The following EPHA6 variants were observed in gnomAD, a reference collection of about 807,000 sequenced individuals.
The protein encoded by EPHA6 is EPH receptor A6.
In EPHA6, 50 loss-of-function variants were observed where a neutral mutation model predicts 112.0. The ratio of observed to expected loss-of-function variants is 0.45; its 90% CI spans 0.36 to 0.56. EPHA6 has a LOEUF of 0.56. Among genes scored for constraint, EPHA6 ranks in the 20% least tolerant of loss-of-function variants. The pLI is 0.00. For synonymous variants in EPHA6, 529 were observed against 490.7 expected, an observed-to-expected ratio of 1.08 and a Z score of -1.03; for missense variants, 1,280 against 1,417.4, an observed-to-expected ratio of 0.90 and a Z score of 1.56.
At chr3:97,315,242 A>G (rs532012118) in intron 5 of EPHA6, among the ~76,000 whole-genome samples, 3 of 151,790 alleles carry the variant, frequency 2.0e-5, no homozygotes, top group African/African-American at 7.2e-5. Context: ...CACACTATCC[A>G]CTTTCCACAT....
chr3:96,936,221 T>G (rs1338246816), intron 2 of EPHA6, among the ~76,000 whole-genome samples: 1 of 152,202 alleles, frequency 6.6e-6, no homozygotes, highest in Admixed American at 6.6e-5. Context: ...GGCCCCAGAG[T>G]TAAGTACATT....
At chr3:96,901,006 TG>T (rs2038576087) in intron 2 of EPHA6, among the ~76,000 whole-genome samples, 2 of 152,206 alleles carry the variant, frequency 1.3e-5, no homozygotes, top group Non-Finnish European at 2.9e-5. Flanking sequence ...CTTGATTTCA[TG>T]GCTAGATAGG....
chr3:97,161,496 T>G (rs1375236072), intron 3 of EPHA6, among the ~76,000 whole-genome samples: 1 of 152,174 alleles, frequency 6.6e-6, no homozygotes, highest in Non-Finnish European at 1.5e-5. Context: ...TCTTCTCTTA[T>G]TCTTGGCTCC....
rs2035995146 is a variant in EPHA6 at position 97,755,083 on chromosome 3, C to T, written c.*6382C>T. 6.6e-6 allele frequency among the ~76,000 whole-genome samples: 1 copy of T among 152,176 alleles called. No homozygotes were observed. Among genetic ancestry groups the T allele is most frequent in the Non-Finnish European group, 1.5e-5 (1 of 68,024 alleles). Reference sequence around the variant, plus strand: ...GATTAATCAAAGTAACAAATCTCTACATCATTAAGAGAACTTTTGATTTGT... The same window carrying T: ...GATTAATCAAAGTAACAAATCTCTATATCATTAAGAGAACTTTTGATTTGT... On this transcript the variant is annotated 3_prime_UTR_variant, in exon 18 of 18. Transcript: ENST00000389672.
At chr3:97,328,523 T>C (rs1451466006) in intron 5 of EPHA6, among the ~76,000 whole-genome samples, 1 of 152,096 alleles carries the variant, frequency 6.6e-6, no homozygotes, top group African/African-American at 2.4e-5. Flanking sequence ...CATATTCTTT[T>C]CACATTCTCT....
intron 2 of EPHA6, among the ~76,000 whole-genome samples, chr3:96,961,631 C>A (rs1227395438): frequency 6.9e-6 from 1 of 144,238 alleles, no homozygotes; most frequent in Non-Finnish European, 1.5e-5. Context: ...TAAACTAGCA[C>A]AGCCCTTCTA....
chr3:97,005,563 C>T (rs1316841081), intron 3 of EPHA6, among the ~76,000 whole-genome samples: 1 of 152,138 alleles, frequency 6.6e-6, no homozygotes, highest in Non-Finnish European at 1.5e-5. Context: ...CGTCTACAAA[C>T]AGAGACAGCT....
At chr3:97,213,588 A>G (rs2077940242) in intron 3 of EPHA6, among the ~76,000 whole-genome samples, 1 of 152,162 alleles carries the variant, frequency 6.6e-6, no homozygotes, top group Non-Finnish European at 1.5e-5. Context: ...CCAAGTTTCC[A>G]GTTCATTCAG....
chr3:97,735,448 T>G (rs191461192), intron 15 of EPHA6, among the ~76,000 whole-genome samples: 1 of 152,062 alleles, frequency 6.6e-6, no homozygotes, highest in East Asian at 1.9e-4. Context: ...AAAGAAGGGA[T>G]GATGGTTAGA....
At chr3:97,154,017 T>C (rs1337831627) in intron 3 of EPHA6, among the ~76,000 whole-genome samples, 1 of 151,742 alleles carries the variant, frequency 6.6e-6, no homozygotes, top group African/African-American at 2.4e-5. Context: ...AATACAAAAT[T>C]AGCCCAGTGT....
At chr3:97,153,700 G>A (rs2076222261) in intron 3 of EPHA6, among the ~76,000 whole-genome samples, 1 of 151,906 alleles carries the variant, frequency 6.6e-6, no homozygotes, top group African/African-American at 2.4e-5. Context: ...ACACCTAAAT[G>A]TAATTGATTG....
At chr3:97,241,414 G>A (rs2078842312) in intron 4 of EPHA6, among the ~76,000 whole-genome samples, 1 of 151,676 alleles carries the variant, frequency 6.6e-6, no homozygotes, top group Non-Finnish European at 1.5e-5. Flanking sequence ...ATACCTGGGA[G>A]TTTTCAATAC....
intron 10 of EPHA6, among the ~76,000 whole-genome samples, chr3:97,489,499 C>T (rs1429980705): frequency 6.6e-6 from 1 of 152,044 alleles, no homozygotes; most frequent in Non-Finnish European, 1.5e-5. Flanking sequence ...TCTTGGCTAA[C>T]ACGGTGAAAC....
intron 3 of EPHA6, among the ~76,000 whole-genome samples, chr3:97,177,123 C>A (rs1046879040): frequency 6.6e-6 from 1 of 151,776 alleles, no homozygotes; most frequent in Non-Finnish European, 1.5e-5. Context: ...TTATTAATTT[C>A]TTCATTGACC....
intron 5 of EPHA6, among the ~76,000 whole-genome samples, chr3:97,391,679 G>C (rs575178197): frequency 6.6e-6 from 1 of 151,972 alleles, no homozygotes; most frequent in East Asian, 1.9e-4. Flanking sequence ...AAGGAATAGA[G>C]AGTAAATGTT....
intron 12 of EPHA6, among the ~76,000 whole-genome samples, chr3:97,600,245 G>C (rs1236216043): frequency 2.7e-5 from 4 of 149,046 alleles, no homozygotes; most frequent in Non-Finnish European, 4.5e-5. Flanking sequence ...TTTCCTAATT[G>C]AATACCCTTT....
intron 11 of EPHA6, among the ~76,000 whole-genome samples, chr3:97,558,472 T>C (rs1011112289): frequency 6.6e-6 from 1 of 152,016 alleles, no homozygotes; most frequent in African/African-American, 2.4e-5. Flanking sequence ...TGTTTTCCCT[T>C]CATGGTTATT....
At chr3:97,065,365 C>CA in intron 3 of EPHA6, among the ~76,000 whole-genome samples, 1 of 152,174 alleles carries the variant, frequency 6.6e-6, no homozygotes, top group South Asian at 2.1e-4. Context: ...CAAATCAAGG[C>CA]AAAGAGTCTT....
At position 97,084,668 on chromosome 3, in the gene EPHA6, A is replaced by C. The variant is rs1046011010; in HGVS notation, c.1114+96675A>C. On this transcript the variant is annotated intron_variant, in intron 3 of 17. Coordinates refer to ENST00000389672, the MANE Select transcript of EPHA6 (RefSeq NM_001080448.3). ...ATTTACAATAGCCACAAAAAGAGTA[A>C]AATACCTAGAAATACAGCTAACTGA... Among the ~76,000 whole-genome samples, 4 of 152,074 alleles carry C rather than the reference A, an allele frequency of 2.6e-5. No individual in the cohort carries two copies. The East Asian group carries it at 7.7e-4, about 29-fold the overall frequency.
Sources: gnomAD v4.1 joint callset for allele counts (sites outside exome capture counted in the v4.1 genomes callset) on GRCh38, gnomAD v4.1.1 for gene constraint, MANE v1.5 for transcripts, NCBI Gene and HGNC (gene_info 2026-07-23, HGNC 2026-07-21) for gene names.